The following SIGLEC10 variants were observed in gnomAD, a reference collection of about 807,000 sequenced individuals.
SIGLEC10 encodes the protein sialic acid-binding Ig-like lectin 10.
SIGLEC10 carries 45 observed loss-of-function variants against 68.3 expected under a neutral mutation model. The observed-to-expected ratio is 0.66, with a 90% CI of 0.52 to 0.84. SIGLEC10 has a LOEUF of 0.84. Among genes scored for constraint, SIGLEC10 ranks in the 40% least tolerant of loss-of-function variants. The pLI, the probability that SIGLEC10 is intolerant of heterozygous loss-of-function variation, is 0.00. For synonymous variants in SIGLEC10, 379 were observed against 370.8 expected, an observed-to-expected ratio of 1.02 and a Z score of -0.26; for missense variants, 789 against 883.1, an observed-to-expected ratio of 0.89 and a Z score of 1.35.
chr19:51,411,126 C>T lies in SIGLEC10; in HGVS notation c.2067G>A (p.Ala689=), dbSNP rs766774273. The change falls in exon 11 of 11, where the codon GCG becomes GCA. Residue 689 remains alanine (A), a synonymous_variant. Transcript: ENST00000339313. The part of the protein sequence containing the change: ...PEARMPKGTQ[A]DYAEVKFQ The stretch of plus-strand genomic sequence containing the variant: ...ATTGGAACTTGACTTCTGCATAATC[C>T]GCCTGGGTGCCCTTGGGCATCCGGG... 16 of 1,613,888 alleles carry T rather than the reference C, an allele frequency of 9.9e-6. No individual in the cohort carries two copies. Among genetic ancestry groups the T allele is most frequent in the Admixed American group, 8.3e-5 (5 of 59,974 alleles).
chr19:51,416,741 T>C lies in SIGLEC10; in HGVS notation c.631A>G (p.Thr211Ala). 6.2e-7 allele frequency: 1 copy of C among 1,614,094 alleles called. No homozygotes were observed. Among genetic ancestry groups the C allele is most frequent in the Non-Finnish European group, 8.5e-7 (1 of 1,180,008 alleles). Residue 211 changes from threonine (T) to alanine (A), a missense_variant, in exon 3 of 11, where the codon ACC (threonine) becomes GCC (alanine). Thr to Ala is a moderately conservative substitution (Grantham distance 58). Transcript: ENST00000339313. The stretch of plus-strand genomic sequence containing the variant: ...AAGTCCACATGGCAGGTGAGGTCGG[T>C]GTTGTGGTCCTGGGGTCTGGGCGTG... ...SFTPRPQDHN[T>A]DLTCHVDFSR...
In SIGLEC10 at chr19:51,417,188, G is replaced by C. The variant is rs1568502854; in HGVS notation, c.315C>G (p.Ile105Met). 5 of 1,614,220 alleles carry C rather than the reference G, an allele frequency of 3.1e-6. No individual in the cohort carries two copies. The highest frequency in any genetic ancestry group is 2.2e-5 in the East Asian group (1 of 44,886). Reference sequence around the variant, plus strand: ...ACTCATCCTGCATCTGCGCGTCTCTGATCACCAAGGAGCAGTTCCCCTTGG... The same window carrying C: ...ACTCATCCTGCATCTGCGCGTCTCTCATCACCAAGGAGCAGTTCCCCTTGG... ...DPAKGNCSLV[I>M]RDAQMQDESQ... The change falls in exon 2 of 11, where the codon ATC becomes ATG. Residue 105 changes from isoleucine to methionine, a missense_variant. Ile to Met is a conservative substitution (Grantham distance 10). Transcript: ENST00000339313.
rs1316255588 is a variant in SIGLEC10, at chr19:51,415,286, C to T, written c.1225G>A (p.Val409Ile). 1.2e-6 allele frequency: 2 copies of T among 1,614,096 alleles called. No homozygotes were observed. Among genetic ancestry groups the T allele is most frequent in the Non-Finnish European group, 8.5e-7 (1 of 1,180,010 alleles). ...LSPSQPSDPG[V>I]LELPRVQVEH... ...ACTTGAACCCGAGGCAGCTCCAGGACCCCGGGGTCTGAGGGCTGGGAGGGG... is the reference window on the plus strand; with the variant it reads ...ACTTGAACCCGAGGCAGCTCCAGGATCCCGGGGTCTGAGGGCTGGGAGGGG... The change falls in exon 7 of 11, where the codon GTC (valine) becomes ATC (isoleucine). Residue 409 changes from valine to isoleucine, a missense_variant. Coordinates refer to ENST00000339313, the MANE Select transcript of SIGLEC10 (RefSeq NM_033130.5).
At chr19:51,411,403 C>T (rs372384148) in intron 10 of SIGLEC10, 32 bp from the exon 11 acceptor site, 5 of 1,610,380 alleles carry the variant, frequency 3.1e-6, no homozygotes, top group Non-Finnish European at 4.2e-6. Context: ...TTCATTCATT[C>T]ATTCAGCAAA....
In SIGLEC10 at chr19:51,416,936, G is replaced by C; in HGVS notation, c.436C>G (p.Pro146Ala). 1 of 1,612,424 alleles carries C rather than the reference G, an allele frequency of 6.2e-7. No homozygotes were observed. The highest frequency in any genetic ancestry group is 2.2e-5 in the East Asian group (1 of 44,866). ...AGGGTCTCGGGGATGTAGACATCAG[G>C]CTTCTGAGTCAGGGCTGGGACAGAG... Reference protein sequence around the residue: ...FLKVTALTQKPDVYIPETLEP... With the variant: ...FLKVTALTQKADVYIPETLEP... Residue 146 changes from proline (P) to alanine (A), a missense_variant, in exon 3 of 11, where the codon CCT becomes GCT. Transcript: ENST00000339313.
In SIGLEC10 at chr19:51,414,597, C is replaced by G. The variant is rs540233697; in HGVS notation, c.1616-82G>C. ...CGCTCATCACTCGGCATTAAGGCTT[C>G]CGGTTCCCATGGCGGACATTGTATC... On this transcript the variant is annotated intron_variant, in intron 8 of 10. Coordinates refer to ENST00000339313, the MANE Select transcript of SIGLEC10 (RefSeq NM_033130.5). This position sits in a 1 kb window ranked among gnomAD's most constrained non-coding sequence, Gnocchi z 4.1. 18 of 1,457,714 alleles carry G rather than the reference C, an allele frequency of 1.2e-5. No individual in the cohort carries two copies. In the South Asian group the frequency reaches 2.0e-4, roughly 16 times the overall value. The allele number at this position is 1,457,714 out of a possible 1,614,324, so 90.3% of individuals were successfully genotyped here.
chr19:51,415,218 C>T lies in SIGLEC10; in HGVS notation c.1293G>A (p.Leu431=), dbSNP rs1166082422. The part of the protein sequence containing the change: ...GEFTCHARHP[L]GSQHVSLSLS... ...GGCTGAGAGAGACGTGCTGGGAGCC[C>T]AGTGGGTGCCGAGCGTGGCAGGTGA... Residue 431 remains leucine (L), a synonymous_variant, in exon 7 of 11, where the codon CTG becomes CTA. Coordinates refer to ENST00000339313, the MANE Select transcript of SIGLEC10 (RefSeq NM_033130.5). The T allele has an allele frequency of 2.5e-6, 4 of 1,612,838 alleles. No individual in the cohort carries two copies. Among genetic ancestry groups the T allele is most frequent in the Non-Finnish European group, 3.4e-6 (4 of 1,179,282 alleles).
intron 6 of SIGLEC10, 43 bp downstream of exon 6, chr19:51,415,525 A>G (rs757989973): frequency 5.1e-5 from 82 of 1,613,824 alleles, no homozygotes; most frequent in Non-Finnish European, 6.3e-5. Context: ...TGGGCCCCCA[A>G]TTCGGCACTG....
At chr19:51,412,115 C>G (rs759700875) in intron 10 of SIGLEC10, among the ~76,000 whole-genome samples, 2 of 151,890 alleles carry the variant, frequency 1.3e-5, no homozygotes, top group Non-Finnish European at 2.9e-5. Flanking sequence ...GCACTCCAGC[C>G]TAGACAACAA....
chr19:51,411,456 A>T, intron 10 of SIGLEC10, 85 bp from the exon 11 acceptor site: 2 of 1,528,504 alleles, frequency 1.3e-6, no homozygotes. Context: ...TTTACAGCAC[A>T]GAGTGAAACT....
At position 51,417,641 on chromosome 19, in the gene SIGLEC10, G is replaced by A; in HGVS notation, c.-60C>T. On this transcript the variant is annotated 5_prime_UTR_variant, in exon 1 of 11. Transcript: ENST00000339313. ...GGCCTGTTCTCTGGTCGTGCTGTGA[G>A]TGGCTCAGGGCTCTTGGCAGAAGGG... is the stretch of plus-strand genomic sequence containing the variant. 3 of 1,606,244 alleles carry A rather than the reference G, an allele frequency of 1.9e-6. No individual in the cohort carries two copies. In the South Asian group the frequency reaches 3.3e-5, roughly 18 times the overall value.
rs1988802802 is a variant in SIGLEC10, at chr19:51,417,401, G to A, written c.102C>T (p.Gly34=). The change falls in exon 2 of 11, where the codon GGC becomes GGT. Residue 34 remains glycine (G), a synonymous_variant. Transcript: ENST00000339313. ...AAGAGCAGGGCACAGAGATGCACAGGCCCTCCGGCACCATCACTGACTCCT... is the reference window on the plus strand; with the variant it reads ...AAGAGCAGGGCACAGAGATGCACAGACCCTCCGGCACCATCACTGACTCCT... ...RVQESVMVPE[G]LCISVPCSFS... 1 of 1,614,172 alleles carries A rather than the reference G, an allele frequency of 6.2e-7. No homozygotes were observed. Among genetic ancestry groups the A allele is most frequent in the African/African-American group, 1.3e-5 (1 of 75,036 alleles).
chr19:51,411,274 T>C lies in SIGLEC10; in HGVS notation c.1919A>G (p.Gln640Arg), dbSNP rs1339256720. 1.9e-5 allele frequency: 30 copies of C among 1,614,070 alleles called. No homozygotes were observed. The Admixed American group carries it at 5.0e-4, about 27-fold the overall frequency. The change falls in exon 11 of 11, where the codon CAG becomes CGG. Residue 640 changes from glutamine (Q) to arginine (R), a missense_variant. Gln to Arg is a conservative substitution (Grantham distance 43). Transcript: ENST00000339313. ...TTCTGGGAAACTGGGCAACTGATACTGCTTTTTCTGGTTCTTCTTTGATTC... is the reference window on the plus strand; with the variant it reads ...TTCTGGGAAACTGGGCAACTGATACCGCTTTTTCTGGTTCTTCTTTGATTC... ...SPESKKNQKK[Q>R]YQLPSFPEPK...
rs536142591 is a variant in SIGLEC10, at chr19:51,411,424, C to T, written c.1822-53G>A. The T allele has an allele frequency of 3.8e-5, 61 of 1,601,774 alleles. No homozygotes were observed. In the African/African-American group the frequency reaches 7.4e-4, roughly 19 times the overall value. The stretch of plus-strand genomic sequence containing the variant: ...CATTCATTCAGCAAATATTTGAGCA[C>T]TTACCACGCGTCGGGCACTGATTTA... On this transcript the variant is annotated intron_variant, in intron 10 of 10. Coordinates refer to ENST00000339313, the MANE Select transcript of SIGLEC10 (RefSeq NM_033130.5).
Position 51,415,205 on chromosome 19 carries a change from C to T in SIGLEC10, c.1306G>A (p.Val436Ile), listed in dbSNP as rs149017451. Residue 436 changes from valine (V) to isoleucine (I), a missense_variant, in exon 7 of 11, where the codon GTC (valine) becomes ATC (isoleucine). By Grantham distance (29) the Val-to-Ile change is conservative. Transcript: ENST00000339313. The stretch of plus-strand genomic sequence containing the variant: ...CAGTGCACGGAGAGGCTGAGAGAGA[C>T]GTGCTGGGAGCCCAGTGGGTGCCGA... Reference protein sequence around the residue: ...HARHPLGSQHVSLSLSVHYSP... With the variant: ...HARHPLGSQHISLSLSVHYSP... 1.5e-4 allele frequency: 246 copies of T among 1,610,556 alleles called. No homozygotes were observed. The African/African-American group carries it at 2.8e-3, about 19-fold the overall frequency.
In SIGLEC10 at chr19:51,417,168, T is replaced by C. The variant is rs1437785055; in HGVS notation, c.335A>G (p.Asp112Gly). The C allele has an allele frequency of 1.9e-6, 3 of 1,614,094 alleles. No homozygotes were observed. Among genetic ancestry groups the C allele is most frequent in the African/African-American group, 2.7e-5 (2 of 74,930 alleles). The change falls in exon 2 of 11, where the codon GAT (aspartate) becomes GGT (glycine). Residue 112 changes from aspartate (D) to glycine (G), a missense_variant. Transcript: ENST00000339313. ...SLVIRDAQMQ[D>G]ESQYFFRVER... is the part of the protein sequence containing the mutation. The stretch of plus-strand genomic sequence containing the variant: ...CACCCGAAAGAAGTACTGTGACTCA[T>C]CCTGCATCTGCGCGTCTCTGATCAC...
Position 51,417,428 on chromosome 19 carries a change from C to T in SIGLEC10, c.75G>A (p.Val25=), listed in dbSNP as rs2123788398. ...QAMDGRFWIR[V]QESVMVPEGL... is the part of the protein sequence containing the mutation. Reference sequence around the variant, plus strand: ...CCTCCGGCACCATCACTGACTCCTGCACTCGTATCCAGAATCTCCCATCCA... The same window carrying T: ...CCTCCGGCACCATCACTGACTCCTGTACTCGTATCCAGAATCTCCCATCCA... Residue 25 remains valine (V), a synonymous_variant, in exon 2 of 11, where the codon GTG becomes GTA. Transcript: ENST00000339313. 1 of 1,613,906 alleles carries T rather than the reference C, an allele frequency of 6.2e-7. No homozygotes were observed. The highest frequency in any genetic ancestry group is 1.3e-5 in the African/African-American group (1 of 75,068).
At chr19:51,412,133 A>G (rs1295388086) in intron 10 of SIGLEC10, among the ~76,000 whole-genome samples, 1 of 152,098 alleles carries the variant, frequency 6.6e-6, no homozygotes, top group African/African-American at 2.4e-5. Context: ...CAACAGTGAA[A>G]TCCCATCTCA....
At chr19:51,416,998 G>A in intron 2 of SIGLEC10, 48 bp from the exon 3 acceptor site, 1 of 1,593,252 alleles carries the variant, frequency 6.3e-7, no homozygotes, top group Non-Finnish European at 8.6e-7. Flanking sequence ...AGGGGTCCCT[G>A]AGAGCCCTCT....
Sources: gnomAD v4.1 joint callset for allele counts (sites outside exome capture counted in the v4.1 genomes callset) on GRCh38, gnomAD v4.1.1 for gene constraint, Gnocchi (gnomAD v3.1) non-coding constraint, MANE v1.5 for transcripts, NCBI Gene and HGNC (gene_info 2026-07-23, HGNC 2026-07-21) for gene names.